Variants in LRRC37B observed in about 807,000 individuals in gnomAD.
LRRC37B encodes leucine-rich repeat-containing protein 37B.
In LRRC37B, 28 loss-of-function variants were observed where a neutral mutation model predicts 98.3. The ratio of observed to expected loss-of-function variants is 0.28; its 90% confidence interval spans 0.21 to 0.39. The LOEUF (loss-of-function observed/expected upper bound fraction) is 0.39, where lower values mean the gene tolerates loss of function less well. Ranked by LOEUF, LRRC37B falls within the 10% of genes least tolerant of loss-of-function variation. The pLI is 1.00. For missense variants in LRRC37B, 938 were observed against 1,182.7 expected (o/e 0.79, Z 3.03); for synonymous variants, 364 against 442.7 (o/e 0.82, Z 2.23).
At chr17:32,007,916 C>T, upstream of LRRC37B, 1 of 688,500 alleles carries the variant, frequency 1.5e-6, no homozygotes, top group Non-Finnish European at 2.0e-6. This position sits in a 1 kb window ranked among gnomAD's most constrained non-coding sequence, Gnocchi z 4.1. Context: ...CACCGCAGCC[C>T]GGAGGGCTGT....
intron 8 of LRRC37B, among the ~76,000 whole-genome samples, chr17:32,046,668 T>A (rs1911594120): frequency 6.6e-6 from 1 of 151,932 alleles, no homozygotes; most frequent in South Asian, 2.1e-4. Context: ...AAAGCATTGT[T>A]AATCTCCTTT....
chr17:32,008,294 A>G (rs1598198970), intron 1 of LRRC37B, among the ~76,000 whole-genome samples, 162 bp downstream of exon 1: 2 of 152,284 alleles, frequency 1.3e-5, no homozygotes, highest in South Asian at 4.1e-4. Context: ...GCAAAAAACT[A>G]GATTTATAAG....
chr17:32,023,043 C>T (rs550678162), intron 1 of LRRC37B, among the ~76,000 whole-genome samples: 10 of 152,154 alleles, frequency 6.6e-5, no homozygotes, highest in Non-Finnish European at 1.5e-4. Flanking sequence ...TACTCTTACT[C>T]GTTTTCTTAT....
intron 7 of LRRC37B, chr17:32,040,750 A>G: frequency 1.2e-6 from 1 of 810,468 alleles, no homozygotes; most frequent in East Asian, 2.4e-5. Flanking sequence ...AACGAGTCCA[A>G]CTTCAGTGAC....
At chr17:32,050,106 A>C in exon 11 of LRRC37B, 5 of 1,397,566 alleles carry the variant, frequency 3.6e-6, no homozygotes, top group Non-Finnish European at 5.1e-6. Context: ...TGTCTTATAG[A>C]GGTAAGGACA....
intron 7 of LRRC37B, chr17:32,041,408 G>A (rs34409458): frequency 1.3e-6 from 1 of 746,448 alleles, no homozygotes; most frequent in African/African-American, 1.7e-5. Flanking sequence ...GCTTCCATGA[G>A]GGTGACGTCT....
intron 7 of LRRC37B, chr17:32,041,758 C>G (rs776979517): frequency 5.5e-5 from 25 of 457,954 alleles, no homozygotes; most frequent in South Asian, 2.2e-4. Context: ...GGTGACGGCT[C>G]CCTTCCTCAC....
At chr17:32,019,731 C>A (rs1174644038), upstream of LRRC37B, among the ~76,000 whole-genome samples, 2 of 152,196 alleles carry the variant, frequency 1.3e-5, no homozygotes, top group Admixed American at 1.3e-4. Context: ...ACCAAGGAAA[C>A]TTCCAGCTTT....
intron 7 of LRRC37B, among the ~76,000 whole-genome samples, chr17:32,039,479 A>AATATATATATATATATAT (rs1185838390): frequency 2.6e-5 from 1 of 38,854 alleles, no homozygotes; most frequent in Admixed American, 5.2e-4. Context: ...CCTGCCTAAA[A>AATATATATATATATATAT]ATATATATAT....
At chr17:32,043,603 TAAGTA>T (rs1217126248) in intron 7 of LRRC37B, among the ~76,000 whole-genome samples, 2 of 152,142 alleles carry the variant, frequency 1.3e-5, no homozygotes, top group Non-Finnish European at 2.9e-5. Flanking sequence ...GGTTGCTATA[TAAGTA>T]AAATGCTAGG....
At chr17:32,045,901 T>A in intron 8 of LRRC37B, 83 bp downstream of exon 11, 2 of 1,388,680 alleles carry the variant, frequency 1.4e-6, no homozygotes, top group Admixed American at 3.8e-5. Flanking sequence ...TGATGAAATT[T>A]TAAGCTGATG....
exon 1 of LRRC37B, chr17:32,021,556 T>G: frequency 6.2e-7 from 1 of 1,614,138 alleles, no homozygotes. Context: ...GTGGTTCCGC[T>G]TCTCAACCGG....
chr17:32,007,838 G>A, upstream of LRRC37B: 1 of 1,170,442 alleles, frequency 8.5e-7, no homozygotes, highest in Non-Finnish European at 1.1e-6. The surrounding 1 kb of genome is among the most constrained non-coding windows in gnomAD (Gnocchi z 4.1). Context: ...CACCGCCGCC[G>A]GCCCGCCCCG....
rs745871376 is a variant in LRRC37B, at chr17:32,021,329, T to G, written c.264T>G (p.His88Gln). ...CCCATCTCCCATGGGAATCTCCCCA[T>G]GCACCTGCTCCCCCAGCAGCCCCGG... The change falls in exon 1 of 12, where the codon CAT becomes CAG. Residue 88 changes from histidine to glutamine, a missense_variant. This residue lies in a region of LRRC37B where 610 missense variants were observed against 625.6 expected (regional missense o/e 0.98). Coordinates refer to ENST00000327564, the Ensembl canonical transcript of LRRC37B. 5 of 1,613,962 alleles carry G rather than the reference T, an allele frequency of 3.1e-6. No homozygotes were observed. In the East Asian group the frequency reaches 1.1e-4, roughly 36 times the overall value.
intron 5 of LRRC37B, among the ~76,000 whole-genome samples, 179 bp downstream of exon 8, chr17:32,031,637 T>C (rs1291525765): frequency 6.6e-6 from 1 of 151,874 alleles, no homozygotes; most frequent in African/African-American, 2.4e-5. Context: ...ACACAGTTTA[T>C]ATATGACCTG....
chr17:32,050,200 A>C (rs540643705), intron 11 of LRRC37B, 93 bp downstream of exon 14: 2 of 742,002 alleles, frequency 2.7e-6, no homozygotes, highest in South Asian at 1.4e-5. Context: ...TCACTTTCCC[A>C]CTTGACATTC....
exon 1 of LRRC37B, chr17:32,022,128 C>A: frequency 1.2e-6 from 2 of 1,613,884 alleles, no homozygotes; most frequent in South Asian, 2.2e-5. Context: ...GACAGTTCAA[C>A]CTCCAGGTGA....
chr17:32,024,817 A>G (rs1910900147), intron 2 of LRRC37B, 35 bp downstream of exon 5: 1 of 1,594,182 alleles, frequency 6.3e-7, no homozygotes, highest in African/African-American at 1.3e-5. Context: ...ACAAAAAACT[A>G]ACTGCATTGT....
At chr17:32,039,421 G>A (rs1598210533) in intron 7 of LRRC37B, among the ~76,000 whole-genome samples, 1 of 141,040 alleles carries the variant, frequency 7.1e-6, no homozygotes, top group East Asian at 2.1e-4. Flanking sequence ...AGGTTGCAGT[G>A]AGCCAAGATG....
Sources: allele counts gnomAD v4.1 joint callset (sites outside exome capture counted in the v4.1 genomes callset), GRCh38; gene constraint gnomAD v4.1.1; regional missense constraint gnomAD v4.1.1; non-coding constraint Gnocchi (gnomAD v3.1); transcripts MANE v1.5; gene names NCBI Gene and HGNC (gene_info 2026-07-23, HGNC 2026-07-21).